Variants in SIK2 observed in about 807,000 individuals in gnomAD.
SIK2 encodes serine/threonine-protein kinase SIK2.
Under a neutral mutation model 103.2 loss-of-function variants are expected in SIK2, and 29 were observed. The observed-to-expected ratio is 0.28, with a 90% CI of 0.21 to 0.38. The LOEUF (loss-of-function observed/expected upper bound fraction) is 0.38, where lower values mean the gene tolerates loss of function less well. Among genes scored for constraint, SIK2 ranks in the 10% least tolerant of loss-of-function variants. SIK2 has a pLI of 1.00. For missense variants in SIK2, 879 were observed against 1,171.0 expected (o/e 0.75, Z 3.64); for synonymous variants, 412 against 446.1 (o/e 0.92, Z 0.96).
intron 3 of SIK2, among the ~76,000 whole-genome samples, chr11:111,631,318 CAT>C (rs1357798188): frequency 6.6e-6 from 1 of 152,104 alleles, no homozygotes; most frequent in Non-Finnish European, 1.5e-5. Context: ...TAGCAGTGCT[CAT>C]ATGATTGTCA....
rs961354683 is a variant in SIK2, at chr11:111,722,331, G to A, written c.2056-334G>A. ...TAAAAAGCGATAAAGCATAGATCCC[G>A]TAAAGGATGAATCATTCATTCAGCG... On this transcript the variant is annotated intron_variant, in intron 13 of 14. Coordinates refer to ENST00000304987, the MANE Select transcript of SIK2 (RefSeq NM_015191.3). This position sits in a 1 kb window ranked among gnomAD's most constrained non-coding sequence, Gnocchi z 4.4. Among the ~76,000 whole-genome samples the A allele has an allele frequency of 2.6e-5, 4 of 152,248 alleles. No homozygotes were observed. Among genetic ancestry groups the A allele is most frequent in the South Asian group, 2.1e-4 (1 of 4,834 alleles).
intron 3 of SIK2, among the ~76,000 whole-genome samples, chr11:111,651,974 A>G (rs1942332775): frequency 6.6e-6 from 1 of 152,230 alleles, no homozygotes; most frequent in African/African-American, 2.4e-5. Flanking sequence ...TAGAAGCTGT[A>G]ACAAGGAGTC....
chr11:111,717,033 G>A (rs994681871), intron 9 of SIK2, among the ~76,000 whole-genome samples: 2 of 152,068 alleles, frequency 1.3e-5, no homozygotes, highest in African/African-American at 4.8e-5. Flanking sequence ...GCTCAACAGC[G>A]GCCGGGTGTG....
intron 6 of SIK2, among the ~76,000 whole-genome samples, 182 bp from the exon 7 acceptor site, chr11:111,703,021 G>A (rs759601843): frequency 6.6e-6 from 1 of 152,116 alleles, no homozygotes; most frequent in Non-Finnish European, 1.5e-5. Flanking sequence ...TTAGGTATTT[G>A]TTCACCATGT....
intron 8 of SIK2, among the ~76,000 whole-genome samples, chr11:111,707,419 G>C (rs187816135): frequency 6.6e-6 from 1 of 152,222 alleles, no homozygotes; most frequent in Admixed American, 6.5e-5. Flanking sequence ...TCTTATGTTC[G>C]ATAATTTTTT....
At chr11:111,668,177 G>GGGGTGT (rs72041846) in intron 3 of SIK2, among the ~76,000 whole-genome samples, 5,346 of 129,868 alleles carry the variant, frequency 0.041, 240 homozygotes, top group East Asian at 0.18. Flanking sequence ...ACTAAAGTAA[G>GGGGTGT]GAGTGTGTGT....
At chr11:111,682,741 T>C (rs913678919) in intron 3 of SIK2, among the ~76,000 whole-genome samples, 15 of 152,202 alleles carry the variant, frequency 9.9e-5, no homozygotes, top group Non-Finnish European at 1.8e-4. Context: ...TAATAGAAAA[T>C]TTTTAAAGAT....
rs1222591820 is a variant in SIK2 at position 111,602,694 on chromosome 11, C to T, written c.131C>T (p.Thr44Met). The T allele has an allele frequency of 3.3e-6, 5 of 1,515,966 alleles. No individual in the cohort carries two copies. The highest frequency in any genetic ancestry group is 1.4e-5 in the African/African-American group (1 of 69,676). 93.9% of individuals were successfully genotyped at this position (1,515,966 alleles called of 1,614,324 possible). The change falls in exon 1 of 15, where the codon ACG becomes ATG. Residue 44 changes from threonine (T) to methionine (M), a missense_variant. Physicochemically the swap from Thr to Met is moderately conservative, Grantham distance 81 (BLOSUM62 -1). Transcript: ENST00000304987. The surrounding 1 kb of genome is among the most constrained non-coding windows in gnomAD (Gnocchi z 4.5). ...CTGGGGCGGCACCGGATCACCAAGA[C>T]GGAGGTGCGGCCCGGGGCTCGGCGG... is the stretch of plus-strand genomic sequence containing the variant. ...VKLGRHRITK[T>M]EVAIKIIDKS...
chr11:111,620,708 T>C (rs945127737), intron 3 of SIK2, among the ~76,000 whole-genome samples: 1 of 152,204 alleles, frequency 6.6e-6, no homozygotes, highest in Non-Finnish European at 1.5e-5. Flanking sequence ...CTTTCTTTTC[T>C]ATGGAAAGAT....
At chr11:111,683,784 T>C (rs902140446) in intron 3 of SIK2, among the ~76,000 whole-genome samples, 2 of 152,214 alleles carry the variant, frequency 1.3e-5, no homozygotes, top group African/African-American at 2.4e-5. Flanking sequence ...AACATAAATG[T>C]GCTTTTTGTA....
At chr11:111,665,320 G>C (rs1290071697) in intron 3 of SIK2, among the ~76,000 whole-genome samples, 1 of 151,762 alleles carries the variant, frequency 6.6e-6, no homozygotes, top group Non-Finnish European at 1.5e-5. Flanking sequence ...CGGGTGTGGT[G>C]GTGTGTGCCT....
At chr11:111,603,038 C>T (rs1464166862) in intron 1 of SIK2, among the ~76,000 whole-genome samples, 1 of 148,474 alleles carries the variant, frequency 6.7e-6, no homozygotes, top group Non-Finnish European at 1.5e-5. Context: ...CTCCGGAGCC[C>T]AAGTTCCGCG....
At position 111,702,000 on chromosome 11, in the gene SIK2, G is replaced by A. The variant is rs1278859053; in HGVS notation, c.727+425G>A. Among the ~76,000 whole-genome samples the A allele has an allele frequency of 2.0e-5, 3 of 152,126 alleles. No homozygotes were observed. The highest frequency in any genetic ancestry group is 2.9e-5 in the Non-Finnish European group (2 of 68,026). On this transcript the variant is annotated intron_variant, in intron 6 of 14. Coordinates refer to ENST00000304987, the MANE Select transcript of SIK2 (RefSeq NM_015191.3). This position sits in a 1 kb window ranked among gnomAD's most constrained non-coding sequence, Gnocchi z 4.2. ...TGATATGCCATAATCCCTGCCTGTC[G>A]TGTATTGAGCTGTTACCTAGATAGC...
At chr11:111,676,541 A>T (rs781779115) in intron 3 of SIK2, among the ~76,000 whole-genome samples, 5 of 152,184 alleles carry the variant, frequency 3.3e-5, no homozygotes, top group Non-Finnish European at 7.3e-5. Flanking sequence ...TGAATGAACC[A>T]TCCAGCTTGG....
Position 111,602,652 on chromosome 11 carries a change from A to C in SIK2, c.89A>C (p.Asn30Thr), listed in dbSNP as rs976535704. The C allele has an allele frequency of 2.0e-6, 3 of 1,532,220 alleles. No homozygotes were observed. Among genetic ancestry groups the C allele is most frequent in the Non-Finnish European group, 2.6e-6 (3 of 1,138,546 alleles). The allele number at this position is 1,532,220 out of a possible 1,614,324, so 94.9% of individuals were successfully genotyped here. Residue 30 changes from asparagine (N) to threonine (T), a missense_variant, in exon 1 of 15, where the codon AAC becomes ACC. Coordinates refer to ENST00000304987, the MANE Select transcript of SIK2 (RefSeq NM_015191.3). The surrounding 1 kb of genome is among the most constrained non-coding windows in gnomAD (Gnocchi z 4.5). ...ATCGAGGGCACGCTGGGCAAGGGCA[A>C]CTTCGCTGTGGTGAAGCTGGGGCGG... ...YDIEGTLGKG[N>T]FAVVKLGRHR...
intron 3 of SIK2, among the ~76,000 whole-genome samples, chr11:111,680,533 T>C (rs1942763529): frequency 6.6e-6 from 1 of 152,244 alleles, no homozygotes; most frequent in South Asian, 2.1e-4. Context: ...ATTAAATATT[T>C]AATTCCATAA....
Position 111,723,791 on chromosome 11 carries a change from C to T in SIK2, c.2443C>T (p.Pro815Ser). 1 of 1,613,946 alleles carries T rather than the reference C, an allele frequency of 6.2e-7. No individual in the cohort carries two copies. The highest frequency in any genetic ancestry group is 1.3e-5 in the African/African-American group (1 of 75,060). The stretch of plus-strand genomic sequence containing the variant: ...CGGTCCCCGGGCTGCTCCTCCTCTG[C>T]CCACGCAGCTACAGCAGCAGCAGCC... ...TSGPRAAPPL[P>S]TQLQQQQPPP... Residue 815 changes from proline to serine, a missense_variant, in exon 15 of 15, where the codon CCC becomes TCC. Physicochemically the swap from Pro to Ser is moderately conservative, Grantham distance 74. Around this residue, in one of 7 missense-constraint regions of SIK2, gnomAD observed 375 missense variants for 416.3 expected, o/e 0.90. Transcript: ENST00000304987.
intron 1 of SIK2, among the ~76,000 whole-genome samples, chr11:111,615,313 G>T (rs951373542): frequency 1.4e-5 from 2 of 145,112 alleles, no homozygotes; most frequent in Non-Finnish European, 3.0e-5. Context: ...AAGAAGAAAA[G>T]TTACCCTGAA....
At chr11:111,717,062 C>G (rs1234392544) in intron 9 of SIK2, among the ~76,000 whole-genome samples, 1 of 152,060 alleles carries the variant, frequency 6.6e-6, no homozygotes, top group Non-Finnish European at 1.5e-5. Context: ...CGCCCGTAAT[C>G]CCAGCACTTT....
Sources: allele counts gnomAD v4.1 joint callset (sites outside exome capture counted in the v4.1 genomes callset), GRCh38; gene constraint gnomAD v4.1.1; regional missense constraint gnomAD v4.1.1; non-coding constraint Gnocchi (gnomAD v3.1); transcripts MANE v1.5; gene names NCBI Gene and HGNC (gene_info 2026-07-23, HGNC 2026-07-21).